Variants in CCNH observed in about 807,000 individuals in gnomAD.
CCNH encodes cyclin-H.
A neutral mutation model predicts 41.9 loss-of-function variants in CCNH; 31 were observed. The ratio of observed to expected loss-of-function variants is 0.74; its 90% CI spans 0.56 to 1.00. The LOEUF (loss-of-function observed/expected upper bound fraction) is 1.00, where lower values mean the gene tolerates loss of function less well. Ranked by LOEUF, CCNH falls within the 50% of genes least tolerant of loss-of-function variation. The pLI is 0.00. For missense variants in CCNH, 362 were observed against 388.4 expected (o/e 0.93, Z 0.57); for synonymous variants, 138 against 136.1 (o/e 1.01, Z -0.10).
chr5:87,370,164 A>T (rs985588947), intron 9 of CCNH, among the ~76,000 whole-genome samples: 11 of 152,168 alleles, frequency 7.2e-5, no homozygotes, highest in African/African-American at 2.7e-4. Flanking sequence ...CCAACTGAGA[A>T]TGCTCATTTA....
downstream of CCNH, chr5:87,374,389 G>A: frequency 7.0e-7 from 1 of 1,429,070 alleles, no homozygotes; most frequent in African/African-American, 1.4e-5. Context: ...TGTTTTTTTG[G>A]TCTCTGTATC....
At chr5:87,313,572 G>A (rs950823857), downstream of CCNH, among the ~76,000 whole-genome samples, 7 of 152,180 alleles carry the variant, frequency 4.6e-5, no homozygotes, top group African/African-American at 1.7e-4. Flanking sequence ...AAGGCATTGT[G>A]CCATGTGCTA....
At chr5:87,374,343 A>T, downstream of CCNH, 1 of 1,587,078 alleles carries the variant, frequency 6.3e-7, no homozygotes, top group Non-Finnish European at 8.6e-7. Flanking sequence ...TTATCATTAC[A>T]TTAATCATTT....
chr5:87,395,947 C>G (rs1420676373), intron 7 of CCNH, among the ~76,000 whole-genome samples: 2 of 151,852 alleles, frequency 1.3e-5, no homozygotes, highest in African/African-American at 4.8e-5. Context: ...TAGAATATAT[C>G]ATATATAAAT....
chr5:87,412,905 G>C lies in CCNH; in HGVS notation c.-111C>G. 2 of 1,492,014 alleles carry C rather than the reference G, an allele frequency of 1.3e-6. No individual in the cohort carries two copies. The highest frequency in any genetic ancestry group is 1.8e-6 in the Non-Finnish European group (2 of 1,120,994). 92.4% of individuals were successfully genotyped at this position (1,492,014 alleles called of 1,614,324 possible). On this transcript the variant is annotated 5_prime_UTR_variant, in exon 1 of 9. Transcript: ENST00000256897. Reference sequence around the variant, plus strand: ...CGAAGATCTCGCGGAAGCCTAGGGCGTCCGGCTAGCCGGCGCTGGCGCGCT... The same window carrying C: ...CGAAGATCTCGCGGAAGCCTAGGGCCTCCGGCTAGCCGGCGCTGGCGCGCT...
chr5:87,343,062 G>C (rs1758594909), intron 9 of CCNH, among the ~76,000 whole-genome samples: 1 of 151,988 alleles, frequency 6.6e-6, no homozygotes, highest in Non-Finnish European at 1.5e-5. Context: ...TATTTTATGT[G>C]TATGTTTGTT....
intron 9 of CCNH, chr5:87,383,817 T>C (rs558644958): frequency 1.3e-6 from 2 of 1,537,572 alleles, no homozygotes; most frequent in African/African-American, 1.4e-5. Flanking sequence ...ATTCAAAATA[T>C]TAGAATTAAC....
chr5:87,362,430 G>A, intron 9 of CCNH: 1 of 931,088 alleles, frequency 1.1e-6, no homozygotes, highest in Non-Finnish European at 1.6e-6. Flanking sequence ...TCATTTATGT[G>A]TTATGTGTAT....
chr5:87,360,470 A>G (rs936452214), intron 9 of CCNH, among the ~76,000 whole-genome samples: 1 of 152,174 alleles, frequency 6.6e-6, no homozygotes, highest in Non-Finnish European at 1.5e-5. Context: ...TACAGTGTCC[A>G]TTGCTCCATA....
Position 87,404,806 on chromosome 5 carries a change from T to C in CCNH, c.689+38A>G, listed in dbSNP as rs766417309. ...TGATTCTATGAATAAATAAACCCAG[T>C]GACTGAATTTGACCTAAGTTAAAAA... On this transcript the variant is annotated intron_variant, in intron 5 of 8. Transcript: ENST00000256897. The C allele has an allele frequency of 1.1e-5, 16 of 1,466,334 alleles. No homozygotes were observed. The South Asian group carries it at 1.9e-4, about 17-fold the overall frequency. The allele number at this position is 1,466,334 out of a possible 1,614,324, so 90.8% of individuals were successfully genotyped here. A position where few individuals can be genotyped will look rare whatever the true frequency, so the allele number is the denominator to read the frequency against.
intron 8 of CCNH, chr5:87,394,738 A>AT (rs1762785151): frequency 4.4e-5 from 59 of 1,326,246 alleles, no homozygotes; most frequent in Non-Finnish European, 5.3e-5. Context: ...CAGATAGAAA[A>AT]TTTTTTTTAA....
At chr5:87,341,529 TA>T (rs1265107779) in intron 9 of CCNH, among the ~76,000 whole-genome samples, 3 of 152,138 alleles carry the variant, frequency 2.0e-5, no homozygotes, top group Non-Finnish European at 4.4e-5. Flanking sequence ...TAACTAAATA[TA>T]ACTCTTTTTA....
At chr5:87,374,331 T>C (rs1380962532), downstream of CCNH, 12 of 1,596,880 alleles carry the variant, frequency 7.5e-6, no homozygotes, top group African/African-American at 2.7e-5. Context: ...GTAAGTCTTA[T>C]TTTATCATTA....
intron 9 of CCNH, among the ~76,000 whole-genome samples, chr5:87,349,998 ACT>A (rs528765240): frequency 3.9e-4 from 59 of 151,778 alleles, no homozygotes; most frequent in Non-Finnish European, 8.3e-4. Context: ...ATAACTAATA[ACT>A]CTCTATTTCC....
the CCNH span, among the ~76,000 whole-genome samples, chr5:87,311,870 CA>C: frequency 6.6e-6 from 1 of 152,182 alleles, no homozygotes; most frequent in Non-Finnish European, 1.5e-5. Context: ...TTTCAGTAAA[CA>C]AAGGCACTCT....
chr5:87,346,480 A>G (rs1034149628), intron 9 of CCNH, among the ~76,000 whole-genome samples: 1 of 151,948 alleles, frequency 6.6e-6, no homozygotes, highest in Non-Finnish European at 1.5e-5. Flanking sequence ...TTCTAGTTTT[A>G]CTATCTTTAG....
intron 5 of CCNH, among the ~76,000 whole-genome samples, chr5:87,404,352 T>C (rs538146548): frequency 6.6e-6 from 1 of 152,356 alleles, no homozygotes; most frequent in African/African-American, 2.4e-5. Flanking sequence ...GGAAGTTTTA[T>C]CATCTTTCTT....
chr5:87,347,339 C>T (rs1193447703), intron 9 of CCNH, among the ~76,000 whole-genome samples: 3 of 151,860 alleles, frequency 2.0e-5, no homozygotes, highest in Admixed American at 1.3e-4. Flanking sequence ...CTTATAAATA[C>T]AAAGTAAAAA....
chr5:87,323,617 T>C (rs1368782802), intron 9 of CCNH, among the ~76,000 whole-genome samples: 1 of 152,242 alleles, frequency 6.6e-6, no homozygotes, highest in Non-Finnish European at 1.5e-5. Context: ...TATAAGCTTA[T>C]ATTCTTTCCA....
Sources: gnomAD v4.1 joint callset for allele counts (sites outside exome capture counted in the v4.1 genomes callset) on GRCh38, gnomAD v4.1.1 for gene constraint, MANE v1.5 for transcripts, NCBI Gene and HGNC (gene_info 2026-07-23, HGNC 2026-07-21) for gene names.